Variants in CEP192 observed in about 807,000 individuals in gnomAD.
CEP192 encodes centrosomal protein 192, also known as centrosomal protein of 192 kDa.
CEP192 carries 151 observed loss-of-function variants against 271.8 expected under a neutral mutation model. The ratio of observed to expected loss-of-function variants is 0.56; its 90% CI spans 0.49 to 0.64. CEP192 has a LOEUF of 0.64. CEP192 is among the 30% of genes least tolerant of loss of function. The pLI is 0.00. For missense variants in CEP192, 2,910 were observed against 3,020.5 expected (o/e 0.96, Z 0.86); for synonymous variants, 995 against 1,076.5 (o/e 0.92, Z 1.48).
intron 28 of CEP192, 96 bp downstream of exon 28, chr18:13,071,308 A>G (rs991297168): frequency 4.0e-5 from 41 of 1,029,610 alleles, no homozygotes; most frequent in Non-Finnish European, 5.2e-5. Flanking sequence ...CATAATAGAC[A>G]CTCTTCAGGC....
intron 7 of CEP192, among the ~76,000 whole-genome samples, chr18:13,017,611 TTCTC>T (rs1568285610): frequency 6.6e-6 from 1 of 152,220 alleles, no homozygotes; most frequent in Non-Finnish European, 1.5e-5. Flanking sequence ...TGCATTTTCT[TTCTC>T]TCTCCATAAA....
intron 36 of CEP192, among the ~76,000 whole-genome samples, chr18:13,097,833 A>G (rs2144829602): frequency 6.6e-6 from 1 of 151,690 alleles, no homozygotes; most frequent in Admixed American, 6.6e-5. Context: ...GAGATTAGGG[A>G]GTGGCGATGA....
chr18:13,113,728 G>A, intron 41 of CEP192, 23 bp downstream of exon 41: 1 of 1,567,596 alleles, frequency 6.4e-7, no homozygotes, highest in Non-Finnish European at 8.6e-7. Context: ...CTGAATTTAA[G>A]TAAATTATTG....
chr18:13,015,249 T>C, intron 5 of CEP192, 79 bp from the exon 6 acceptor site: 1 of 1,310,312 alleles, frequency 7.6e-7, no homozygotes, highest in South Asian at 1.5e-5. Context: ...AGAACATATT[T>C]GGTCCTTTTT....
chr18:13,039,054 A>T (rs66685204), intron 13 of CEP192, among the ~76,000 whole-genome samples: 20,564 of 152,248 alleles, frequency 0.14, 1,535 homozygotes, highest in East Asian at 0.31. Context: ...AGTTATTCAG[A>T]TAGTGATAAG....
At position 13,071,975 on chromosome 18, in the gene CEP192, A is replaced by G. The variant is rs182581557; in HGVS notation, c.5348+763A>G. On this transcript the variant is annotated intron_variant, in intron 28 of 44. Transcript: ENST00000506447. ...GCTTTACAAATTATTAAATAAATACATGAGAATGAAAACTTTACAAAATAA... is the reference window on the plus strand; with the variant it reads ...GCTTTACAAATTATTAAATAAATACGTGAGAATGAAAACTTTACAAAATAA... Among the ~76,000 whole-genome samples, 51 of 152,354 alleles carry G rather than the reference A, an allele frequency of 3.3e-4. 1 individual carries two copies. In the East Asian group the frequency reaches 7.1e-3, roughly 21 times the overall value.
Position 13,084,164 on chromosome 18 carries a change from A to G in CEP192, c.5617-2853A>G, listed in dbSNP as rs186816602. On this transcript the variant is annotated intron_variant, in intron 30 of 44. Coordinates refer to ENST00000506447, the MANE Select transcript of CEP192 (RefSeq NM_032142.4). ...CCACTGCTCTCTTCAGAGCTGTCAG[A>G]CAGGGACGTTTAAGTCTGGAGAAGT... 1.9e-3 allele frequency among the ~76,000 whole-genome samples: 283 copies of G among 152,306 alleles called. 1 individual carries two copies. The highest frequency in any genetic ancestry group is 6.2e-3 in the African/African-American group (257 of 41,578).
At chr18:13,043,867 A>G (rs570192246) in intron 15 of CEP192, among the ~76,000 whole-genome samples, 2 of 152,054 alleles carry the variant, frequency 1.3e-5, no homozygotes, top group South Asian at 2.1e-4. Flanking sequence ...TTTATTTTTA[A>G]TTTTTGTGGG....
intron 36 of CEP192, among the ~76,000 whole-genome samples, chr18:13,096,579 A>T (rs2039411066): frequency 6.6e-6 from 1 of 152,134 alleles, no homozygotes; most frequent in South Asian, 2.1e-4. Context: ...CCTGGTATGG[A>T]AGACTTCAGA....
intron 1 of CEP192, among the ~76,000 whole-genome samples, chr18:12,992,642 A>G (rs1199765498): frequency 6.6e-6 from 1 of 152,244 alleles, no homozygotes; most frequent in Non-Finnish European, 1.5e-5. Context: ...GGAATGTGTT[A>G]TGTCCATGAA....
intron 3 of CEP192, among the ~76,000 whole-genome samples, chr18:13,005,353 C>T (rs2033917038): frequency 6.6e-6 from 1 of 152,134 alleles, no homozygotes; most frequent in African/African-American, 2.4e-5. Flanking sequence ...AGTAGAAGGG[C>T]TGTGCAGTCT....
rs769853623 is a variant in CEP192 at position 13,069,728 on chromosome 18, C to T, written c.5056-10C>T. 2 of 1,442,990 alleles carry T rather than the reference C, an allele frequency of 1.4e-6. No homozygotes were observed. The highest frequency in any genetic ancestry group is 4.6e-5 in the East Asian group (2 of 43,836). The allele number at this position is 1,442,990 out of a possible 1,614,324, so 89.4% of individuals were successfully genotyped here. A position where few individuals can be genotyped will look rare whatever the true frequency, so the allele number is the denominator to read the frequency against. On this transcript the variant is annotated splice_polypyrimidine_tract_variant and intron_variant, in intron 26 of 44. Coordinates refer to ENST00000506447, the MANE Select transcript of CEP192 (RefSeq NM_032142.4). The stretch of plus-strand genomic sequence containing the variant: ...TCGGCATTCAATTATGATTATGTAA[C>T]TATATTTAGGTCCCAGAACAAGGAA...
At chr18:13,056,753 C>A in intron 19 of CEP192, 55 bp downstream of exon 19, 1 of 1,395,544 alleles carries the variant, frequency 7.2e-7, no homozygotes, top group Non-Finnish European at 9.8e-7. Context: ...CAAATGACAC[C>A]ACAAAGCTAG....
intron 11 of CEP192, among the ~76,000 whole-genome samples, chr18:13,033,518 A>C (rs1342612815): frequency 6.6e-6 from 1 of 152,216 alleles, no homozygotes; most frequent in Non-Finnish European, 1.5e-5. Flanking sequence ...CATCTAGCAA[A>C]GTTACGCATG....
rs992014706 is a variant in CEP192, at chr18:13,065,439, A to G, written c.4489-2392A>G. 5.9e-5 allele frequency among the ~76,000 whole-genome samples: 9 copies of G among 152,340 alleles called. No individual in the cohort carries two copies. In the East Asian group the frequency reaches 1.7e-3, roughly 29 times the overall value. On this transcript the variant is annotated intron_variant, in intron 21 of 44. Coordinates refer to ENST00000506447, the MANE Select transcript of CEP192 (RefSeq NM_032142.4). ...CATTTAAAAATTGTTCATTTTTTCC[A>G]TGAGTGCTTAAAATACATATTTCTA...
intron 40 of CEP192, among the ~76,000 whole-genome samples, chr18:13,111,203 C>T (rs1405673219): frequency 3.9e-5 from 6 of 152,212 alleles, no homozygotes; most frequent in African/African-American, 1.4e-4. Flanking sequence ...CGTCTCACTG[C>T]AACCTCTGCC....
At chr18:13,063,709 C>T (rs1346761261) in intron 21 of CEP192, among the ~76,000 whole-genome samples, 1 of 151,862 alleles carries the variant, frequency 6.6e-6, no homozygotes, top group Non-Finnish European at 1.5e-5. Flanking sequence ...TGGGTAGAAG[C>T]TTTTTAGCTT....
In CEP192 at chr18:13,116,432, C is replaced by T. The variant is rs1463730434; in HGVS notation, c.7345C>T (p.Arg2449Trp). ...TGCCCCAGAGGATGTGTACAGGTTC[C>T]GGCCGACTAGTGTGGGGGAATCACG... is the stretch of plus-strand genomic sequence containing the variant. ...VYAPEDVYRF[R>W]PTSVGESRTL... Residue 2449 changes from arginine to tryptophan, a missense_variant, in exon 43 of 45, where the codon CGG becomes TGG. Transcript: ENST00000506447. 5.6e-6 allele frequency: 9 copies of T among 1,612,706 alleles called. No individual in the cohort carries two copies. Among genetic ancestry groups the T allele is most frequent in the Non-Finnish European group, 6.8e-6 (8 of 1,179,604 alleles).
intron 9 of CEP192, among the ~76,000 whole-genome samples, chr18:13,028,708 T>A (rs1043557765): frequency 6.6e-6 from 1 of 151,970 alleles, no homozygotes; most frequent in Non-Finnish European, 1.5e-5. Flanking sequence ...TTAGTAGAGA[T>A]GGGGTTTCAC....
Sources: gnomAD v4.1 joint callset for allele counts (sites outside exome capture counted in the v4.1 genomes callset) on GRCh38, gnomAD v4.1.1 for gene constraint, MANE v1.5 for transcripts, NCBI Gene and HGNC (gene_info 2026-07-23, HGNC 2026-07-21) for gene names.